DOCK1: variants seen among roughly 807,000 people sequenced by gnomAD.
The protein encoded by DOCK1 is dedicator of cytokinesis protein 1.
In DOCK1, 138 loss-of-function variants were observed where a neutral mutation model predicts 262.7. The observed-to-expected ratio is 0.53, with a 90% confidence interval of 0.46 to 0.61. The LOEUF is 0.61. DOCK1 is among the 20% of genes least tolerant of loss of function. DOCK1 has a pLI of 0.00. For missense variants in DOCK1, 1,908 were observed against 2,370.7 expected, an observed-to-expected ratio of 0.80 and a Z score of 4.05; for synonymous variants, 866 against 867.4, an observed-to-expected ratio of 1.00 and a Z score of 0.03.
rs117219260 is a variant in DOCK1, at chr10:127,305,875, C to T, written c.3045-33131C>T. ...ATGTCATAGACCAGCGACCCCTGCT[C>T]CTCCATGCCCCTTAGTCTGCTGGGT... On this transcript the variant is annotated intron_variant, in intron 29 of 51. Coordinates refer to ENST00000623213, the MANE Select transcript of DOCK1 (RefSeq NM_001290223.2). Among the ~76,000 whole-genome samples, 44 of 152,330 alleles carry T rather than the reference C, an allele frequency of 2.9e-4. 1 individual carries two copies. In the East Asian group the frequency reaches 7.9e-3, roughly 27 times the overall value.
chr10:127,228,264 C>T (rs1315836118), intron 27 of DOCK1, among the ~76,000 whole-genome samples: 2 of 152,118 alleles, frequency 1.3e-5, no homozygotes, highest in African/African-American at 4.8e-5. Flanking sequence ...GGGGACCCAC[C>T]TTCCCTCGTT....
chr10:127,436,980 G>A (rs1368884839), intron 48 of DOCK1, among the ~76,000 whole-genome samples: 1 of 152,068 alleles, frequency 6.6e-6, no homozygotes, highest in South Asian at 2.1e-4. Context: ...CCTAGGTTGT[G>A]TATCCTGTCA....
chr10:127,068,997 C>T (rs1032281174), intron 23 of DOCK1, among the ~76,000 whole-genome samples: 2 of 152,234 alleles, frequency 1.3e-5, no homozygotes, highest in Non-Finnish European at 1.5e-5. Flanking sequence ...GCTTGGCTGA[C>T]CTCTCTGTCT....
At chr10:127,094,627 G>A (rs747994796) in intron 23 of DOCK1, among the ~76,000 whole-genome samples, 26 of 152,144 alleles carry the variant, frequency 1.7e-4, no homozygotes, top group East Asian at 3.9e-4. Flanking sequence ...ATTTTGCCTC[G>A]TTCCTGCATC....
intron 1 of DOCK1, among the ~76,000 whole-genome samples, chr10:126,916,292 A>G (rs910904635): frequency 3.3e-5 from 5 of 152,232 alleles, no homozygotes; most frequent in African/African-American, 1.2e-4. Flanking sequence ...ATGTTAAACT[A>G]TTATACAGTC....
chr10:126,954,164 T>C (rs2036550620), intron 1 of DOCK1, among the ~76,000 whole-genome samples: 1 of 152,252 alleles, frequency 6.6e-6, no homozygotes, highest in Admixed American at 6.5e-5. Flanking sequence ...AATCTTATTA[T>C]GTGTTGCTGT....
At chr10:127,292,638 A>C (rs537852827) in intron 29 of DOCK1, among the ~76,000 whole-genome samples, 1 of 152,320 alleles carries the variant, frequency 6.6e-6, no homozygotes, top group African/African-American at 2.4e-5. Context: ...CCTGTTTCTC[A>C]GATGCACTGT....
intron 35 of DOCK1, among the ~76,000 whole-genome samples, chr10:127,375,214 G>A (rs1242869158): frequency 1.3e-5 from 2 of 152,242 alleles, no homozygotes; most frequent in Non-Finnish European, 2.9e-5. Context: ...GCTCTCAGCA[G>A]CGTTGTGATT....
chr10:127,087,529 G>A (rs543216477), intron 23 of DOCK1, among the ~76,000 whole-genome samples: 4 of 152,102 alleles, frequency 2.6e-5, no homozygotes, highest in Non-Finnish European at 5.9e-5. Context: ...GTGGTCCTGC[G>A]GGCACTTCCA....
At chr10:127,058,163 A>G (rs1425054406) in intron 22 of DOCK1, among the ~76,000 whole-genome samples, 1 of 151,476 alleles carries the variant, frequency 6.6e-6, no homozygotes, top group African/African-American at 2.5e-5. Flanking sequence ...GCACAAGAGA[A>G]ACTGTTTTAC....
intron 27 of DOCK1, among the ~76,000 whole-genome samples, chr10:127,200,668 T>G (rs776982150): frequency 1.3e-5 from 2 of 152,162 alleles, no homozygotes; most frequent in Non-Finnish European, 2.9e-5. Flanking sequence ...CCTCCCAAAG[T>G]GCTAAGATTA....
chr10:127,363,184 G>A (rs2064692300), intron 33 of DOCK1, among the ~76,000 whole-genome samples: 1 of 152,120 alleles, frequency 6.6e-6, no homozygotes, highest in African/African-American at 2.4e-5. Context: ...AAGTACTAGG[G>A]AGTCCTCTGA....
rs1457317863 is a variant in DOCK1 at position 127,381,371 on chromosome 10, A to T, written c.3807+3A>T. On this transcript the variant is annotated splice_donor_region_variant and intron_variant, in intron 37 of 51. Transcript: ENST00000623213. ...TTCTCCATGCAAAGCTTCTTAAGGT[A>T]ATGTCAATTACCAGTCACCTTGATG... is the stretch of plus-strand genomic sequence containing the variant. 1.2e-6 allele frequency: 2 copies of T among 1,608,116 alleles called. No individual in the cohort carries two copies. Among genetic ancestry groups the T allele is most frequent in the Non-Finnish European group, 1.7e-6 (2 of 1,176,368 alleles).
intron 13 of DOCK1, among the ~76,000 whole-genome samples, chr10:127,019,643 G>C (rs752591718): frequency 6.6e-6 from 1 of 152,162 alleles, no homozygotes; most frequent in Non-Finnish European, 1.5e-5. Flanking sequence ...AGTTACTTTG[G>C]GGGGCTGAGG....
intron 10 of DOCK1, among the ~76,000 whole-genome samples, chr10:127,005,885 A>G (rs2040978606): frequency 6.6e-6 from 1 of 150,752 alleles, no homozygotes; most frequent in African/African-American, 2.5e-5. Flanking sequence ...CGTGCAGTTC[A>G]GTAGTAAGTA....
intron 47 of DOCK1, among the ~76,000 whole-genome samples, chr10:127,427,386 A>G (rs76555011): frequency 0.015 from 2,285 of 152,188 alleles, 50 homozygotes; most frequent in African/African-American, 0.047. Context: ...GCTATTCTCT[A>G]TTGAACCCTG....
rs574017508 is a variant in DOCK1, at chr10:127,099,353, C to T, written c.2446-6878C>T. 2.6e-5 allele frequency among the ~76,000 whole-genome samples: 4 copies of T among 152,228 alleles called. No homozygotes were observed. In the South Asian group the frequency reaches 6.2e-4, roughly 24 times the overall value. ...TCTATGGGGAATACGGACAAATTGA[C>T]CTTCCATTGCAGTCCAAATAGGAAT... On this transcript the variant is annotated intron_variant, in intron 23 of 51. Coordinates refer to ENST00000623213, the MANE Select transcript of DOCK1 (RefSeq NM_001290223.2).
At chr10:127,243,284 T>C (rs898363658) in intron 27 of DOCK1, among the ~76,000 whole-genome samples, 45 of 152,208 alleles carry the variant, frequency 3.0e-4, no homozygotes, top group African/African-American at 9.9e-4. Flanking sequence ...TTAAAAGATA[T>C]GTCTCATCCT....
At chr10:127,108,112 C>T (rs966675400) in intron 24 of DOCK1, among the ~76,000 whole-genome samples, 1 of 152,196 alleles carries the variant, frequency 6.6e-6, no homozygotes, top group Non-Finnish European at 1.5e-5. Context: ...GCCTGTTACA[C>T]TGATTTTTAA....
Sources: allele counts gnomAD v4.1 joint callset (sites outside exome capture counted in the v4.1 genomes callset), GRCh38; gene constraint gnomAD v4.1.1; transcripts MANE v1.5; gene names NCBI Gene and HGNC (gene_info 2026-07-23, HGNC 2026-07-21).